Variants in MAPK10 observed in about 807,000 individuals in gnomAD.
MAPK10 encodes mitogen-activated protein kinase 10.
MAPK10 carries 25 observed loss-of-function variants against 59.3 expected under a neutral mutation model. The observed-to-expected ratio is 0.42, with a 90% CI of 0.31 to 0.59. MAPK10 has a LOEUF of 0.59. Among genes scored for constraint, MAPK10 ranks in the 20% least tolerant of loss-of-function variants. MAPK10 has a pLI of 0.15. For synonymous variants in MAPK10, 190 were observed against 200.5 expected (o/e 0.95, Z 0.44); for missense variants, 351 against 568.9 (o/e 0.62, Z 3.90).
At chr4:86,207,891 T>C (rs1365582599) in intron 2 of MAPK10, among the ~76,000 whole-genome samples, 1 of 148,896 alleles carries the variant, frequency 6.7e-6, no homozygotes, top group Non-Finnish European at 1.5e-5. Flanking sequence ...TTTTGTACAT[T>C]GATTTTGTAT....
At chr4:86,183,853 C>A (rs1184759989) in intron 3 of MAPK10, among the ~76,000 whole-genome samples, 1 of 152,210 alleles carries the variant, frequency 6.6e-6, no homozygotes, top group Non-Finnish European at 1.5e-5. Context: ...GAGACAGTAT[C>A]TCATTGTGGT....
chr4:86,535,851 A>G (rs1419197250), intron 1 of MAPK10, among the ~76,000 whole-genome samples: 1 of 152,230 alleles, frequency 6.6e-6, no homozygotes, highest in Non-Finnish European at 1.5e-5. Context: ...GTCTATTATA[A>G]TCTGGTACAA....
intron 1 of MAPK10, among the ~76,000 whole-genome samples, chr4:86,489,728 C>T (rs992811817): frequency 6.6e-6 from 1 of 152,182 alleles, no homozygotes; most frequent in Admixed American, 6.6e-5. Flanking sequence ...CAAATGTACC[C>T]AGGCTAAGAA....
chr4:86,084,379 T>G (rs531190959), intron 9 of MAPK10, among the ~76,000 whole-genome samples: 2 of 152,326 alleles, frequency 1.3e-5, no homozygotes, highest in Admixed American at 6.5e-5. Flanking sequence ...CAAAAAACTA[T>G]TCAAATTGAT....
intron 2 of MAPK10, among the ~76,000 whole-genome samples, chr4:86,267,822 C>T (rs2094306167): frequency 6.6e-6 from 1 of 152,144 alleles, no homozygotes; most frequent in South Asian, 2.1e-4. Context: ...CAAAACCTAT[C>T]TCTACCTTCA....
intron 1 of MAPK10, among the ~76,000 whole-genome samples, chr4:86,583,467 G>C (rs1186796407): frequency 6.6e-6 from 1 of 152,128 alleles, no homozygotes; most frequent in Non-Finnish European, 1.5e-5. Context: ...AAGAATACTA[G>C]AGAGAAGTCT....
chr4:86,286,621 G>A (rs2095022491), intron 2 of MAPK10, among the ~76,000 whole-genome samples: 1 of 152,146 alleles, frequency 6.6e-6, no homozygotes, highest in Admixed American at 6.5e-5. Context: ...GAGCTAAAAG[G>A]GGCAGAGTTA....
At chr4:86,258,432 G>A (rs2093845366) in intron 2 of MAPK10, among the ~76,000 whole-genome samples, 1 of 151,994 alleles carries the variant, frequency 6.6e-6, no homozygotes, top group Non-Finnish European at 1.5e-5. Context: ...CCCCTTCTAT[G>A]TTGGTTTACC....
At chr4:86,356,376 T>C (rs917522152) in intron 1 of MAPK10, 7 of 225,620 alleles carry the variant, frequency 3.1e-5, no homozygotes, top group African/African-American at 1.6e-4. Context: ...TCAAATAAAC[T>C]AGAAAATCCT....
At chr4:86,255,496 T>G (rs1033767567) in intron 2 of MAPK10, among the ~76,000 whole-genome samples, 1 of 152,202 alleles carries the variant, frequency 6.6e-6, no homozygotes, top group Non-Finnish European at 1.5e-5. Flanking sequence ...GCTGTCCTGA[T>G]AGTGTATCTG....
intron 8 of MAPK10, chr4:86,099,413 A>T (rs559955778): frequency 6.6e-6 from 1 of 152,344 alleles, no homozygotes; most frequent in East Asian, 1.9e-4. Flanking sequence ...CCCCTTTCCA[A>T]CTTGCTTTTC....
At chr4:86,252,428 G>T (rs2093492131) in intron 2 of MAPK10, among the ~76,000 whole-genome samples, 2 of 118,682 alleles carry the variant, frequency 1.7e-5, no homozygotes, top group African/African-American at 4.3e-5. Flanking sequence ...ATTAAATAGG[G>T]AATCCTTTCC....
chr4:86,265,503 C>G (rs1265922705), intron 2 of MAPK10, among the ~76,000 whole-genome samples: 3 of 147,212 alleles, frequency 2.0e-5, no homozygotes, highest in African/African-American at 7.6e-5. Flanking sequence ...AGCAAGTCTC[C>G]ATCTCAAAAA....
chr4:86,115,477 T>A (rs7681951), intron 4 of MAPK10, among the ~76,000 whole-genome samples: 3,545 of 149,744 alleles, frequency 0.024, 142 homozygotes, highest in African/African-American at 0.085. Flanking sequence ...TGCTTCTATT[T>A]TTTTGGACAG....
chr4:86,133,956 C>T (rs2061451695), intron 4 of MAPK10, among the ~76,000 whole-genome samples: 1 of 152,116 alleles, frequency 6.6e-6, no homozygotes, highest in African/African-American at 2.4e-5. Context: ...AACATTCTAC[C>T]AAATGAAGAA....
chr4:86,485,680 C>A (rs2149072814), intron 1 of MAPK10, among the ~76,000 whole-genome samples: 1 of 152,254 alleles, frequency 6.6e-6, no homozygotes, highest in Non-Finnish European at 1.5e-5. Flanking sequence ...TGTGCCATTG[C>A]AAAATTCATT....
chr4:86,245,334 C>T (rs962849310), intron 2 of MAPK10, among the ~76,000 whole-genome samples: 2 of 139,706 alleles, frequency 1.4e-5, no homozygotes, highest in South Asian at 2.2e-4. Context: ...TTTTTTGAGA[C>T]AGGCTCTCAC....
chr4:86,299,471 G>A (rs1223875414), intron 2 of MAPK10, among the ~76,000 whole-genome samples: 1 of 152,072 alleles, frequency 6.6e-6, no homozygotes, highest in African/African-American at 2.4e-5. Context: ...CATCAGGTGA[G>A]GTTAAAGCAA....
At chr4:86,505,414 C>G (rs1755669093) in intron 1 of MAPK10, among the ~76,000 whole-genome samples, 1 of 151,938 alleles carries the variant, frequency 6.6e-6, no homozygotes, top group South Asian at 2.1e-4. Flanking sequence ...AGCTCAAGAC[C>G]AACCTGGGCA....
Sources: allele counts gnomAD v4.1 joint callset (sites outside exome capture counted in the v4.1 genomes callset), GRCh38; gene constraint gnomAD v4.1.1; transcripts MANE v1.5; gene names NCBI Gene and HGNC (gene_info 2026-07-23, HGNC 2026-07-21).